Variants in ITPK1 observed in about 807,000 individuals in gnomAD.
ITPK1 encodes the protein inositol-tetrakisphosphate 1-kinase, also known as inositol 1,3,4-trisphosphate 5/6-kinase.
ITPK1 carries 21 observed loss-of-function variants against 45.3 expected under a neutral mutation model. The ratio of observed to expected loss-of-function variants is 0.46; its 90% CI spans 0.33 to 0.67. ITPK1 has a LOEUF of 0.67. Ranked by LOEUF, ITPK1 falls within the 30% of genes least tolerant of loss-of-function variation. The probability of loss-of-function intolerance (pLI) is 0.02; values close to 1 mark genes in which losing one functional copy is unlikely to be tolerated. For synonymous variants in ITPK1, 258 were observed against 253.6 expected (o/e 1.02, Z -0.16); for missense variants, 474 against 573.5 (o/e 0.83, Z 1.77).
intron 4 of ITPK1, among the ~76,000 whole-genome samples, chr14:93,011,516 T>A (rs1207394206): frequency 6.6e-6 from 1 of 152,224 alleles, no homozygotes; most frequent in African/African-American, 2.4e-5. Flanking sequence ...TCTTCCGGCA[T>A]CCTTCGGGGC....
At chr14:93,105,586 A>C (rs1257455140) in intron 2 of ITPK1, among the ~76,000 whole-genome samples, 1 of 147,554 alleles carries the variant, frequency 6.8e-6, no homozygotes, top group African/African-American at 2.5e-5. Context: ...CAGTGACGCA[A>C]TCTCGGCTCA....
intron 2 of ITPK1, among the ~76,000 whole-genome samples, chr14:93,111,710 C>CA (rs34085009): frequency 0.29 from 22,439 of 76,450 alleles, 2,618 homozygotes; most frequent in East Asian, 0.4. Flanking sequence ...GACTCCACCT[C>CA]AAAAAAAAAA....
intron 5 of ITPK1, among the ~76,000 whole-genome samples, chr14:92,973,980 C>G (rs1885798656): frequency 6.6e-6 from 1 of 152,244 alleles, no homozygotes; most frequent in South Asian, 2.1e-4. Context: ...CAGGGCCCCT[C>G]CATGCCCCTC....
intron 3 of ITPK1, among the ~76,000 whole-genome samples, chr14:93,044,294 G>T (rs958883567): frequency 6.6e-6 from 1 of 152,220 alleles, no homozygotes; most frequent in African/African-American, 2.4e-5. Context: ...CAAACAGATT[G>T]CATGCAGGCC....
In ITPK1 at chr14:93,012,935, G is replaced by A. The variant is rs911833244; in HGVS notation, c.246+3741C>T. Among the ~76,000 whole-genome samples the A allele has an allele frequency of 1.1e-4, 17 of 152,204 alleles. No homozygotes were observed. The highest frequency in any genetic ancestry group is 3.4e-4 in the African/African-American group (14 of 41,462). ...GCTAGAAGGGGCAGCAGAAGAGGAC[G>A]GTGGGCCCCTCCCTTCCCACCCTGC... is the stretch of plus-strand genomic sequence containing the variant. On this transcript the variant is annotated intron_variant, in intron 4 of 10. Transcript: ENST00000267615. The surrounding 1 kb of genome is among the most constrained non-coding windows in gnomAD (Gnocchi z 4.9).
At chr14:92,965,863 C>A (rs931383153) in intron 5 of ITPK1, among the ~76,000 whole-genome samples, 1 of 152,084 alleles carries the variant, frequency 6.6e-6, no homozygotes, top group Non-Finnish European at 1.5e-5. Flanking sequence ...ATTAGCCAGG[C>A]GTGGTGGTGC....
intron 5 of ITPK1, among the ~76,000 whole-genome samples, chr14:92,972,132 C>G (rs575420728): frequency 3.7e-4 from 57 of 152,350 alleles, no homozygotes; most frequent in African/African-American, 1.4e-3. Flanking sequence ...TGTACTGAGA[C>G]AGCTCCCAGC....
intron 5 of ITPK1, among the ~76,000 whole-genome samples, chr14:92,967,330 C>T (rs1885425180): frequency 6.6e-6 from 1 of 152,194 alleles, no homozygotes; most frequent in South Asian, 2.1e-4. Context: ...CCTTATTAGC[C>T]ATCGGGGAAA....
rs368565755 is a variant in ITPK1 at position 93,012,272 on chromosome 14, G to A, written c.246+4404C>T. On this transcript the variant is annotated intron_variant, in intron 4 of 10. Coordinates refer to ENST00000267615, the MANE Select transcript of ITPK1 (RefSeq NM_014216.6). The surrounding 1 kb of genome is among the most constrained non-coding windows in gnomAD (Gnocchi z 4.9). ...CACTGATAAAGAATTACGAACTTCC[G>A]AAGGGCATGAAGGAAAAGTGCAAAG... is the stretch of plus-strand genomic sequence containing the variant. 6.6e-6 allele frequency among the ~76,000 whole-genome samples: 1 copy of A among 152,236 alleles called. No individual in the cohort carries two copies. Among genetic ancestry groups the A allele is most frequent in the African/African-American group, 2.4e-5 (1 of 41,460 alleles).
rs2139732393 is a variant in ITPK1, at chr14:92,958,372, A to G, written c.505-6T>C. On this transcript the variant is annotated splice_region_variant and splice_polypyrimidine_tract_variant and intron_variant, in intron 7 of 10. Coordinates refer to ENST00000267615, the MANE Select transcript of ITPK1 (RefSeq NM_014216.6). This position sits in a 1 kb window ranked among gnomAD's most constrained non-coding sequence, Gnocchi z 4.4. The stretch of plus-strand genomic sequence containing the variant: ...TGGTTGAACACGATAGCCATCTGGG[A>G]AGACAAGGGGTCAAAAGCTCTGTCA... 6.2e-7 allele frequency: 1 copy of G among 1,614,006 alleles called. No homozygotes were observed. The highest frequency in any genetic ancestry group is 8.5e-7 in the Non-Finnish European group (1 of 1,179,962).
chr14:93,015,723 G>A (rs1186517064), intron 4 of ITPK1, among the ~76,000 whole-genome samples: 1 of 152,248 alleles, frequency 6.6e-6, no homozygotes, highest in East Asian at 1.9e-4. Flanking sequence ...GCAGGAATGT[G>A]CAGCAGGGAG....
intron 2 of ITPK1, among the ~76,000 whole-genome samples, chr14:93,085,105 C>T (rs147029430): frequency 3.9e-4 from 59 of 152,372 alleles, no homozygotes; most frequent in Admixed American, 3.5e-3. Flanking sequence ...GCCTGCCCTG[C>T]GGCATCTTGG....
In ITPK1 at chr14:93,097,606, T is replaced by A. The variant is rs937911284; in HGVS notation, c.95+17463A>T. ...AGTTTTTAGGATGGGTTGTTATGCATCAATAACTGATAAAAACTTTTACCT... is the reference window on the plus strand; with the variant it reads ...AGTTTTTAGGATGGGTTGTTATGCAACAATAACTGATAAAAACTTTTACCT... On this transcript the variant is annotated intron_variant, in intron 2 of 10. Coordinates refer to ENST00000267615, the MANE Select transcript of ITPK1 (RefSeq NM_014216.6). Among the ~76,000 whole-genome samples the A allele has an allele frequency of 3.9e-5, 6 of 152,196 alleles. No individual in the cohort carries two copies. In the East Asian group the frequency reaches 7.7e-4, roughly 20 times the overall value.
chr14:92,992,232 G>A (rs930413957), intron 5 of ITPK1, among the ~76,000 whole-genome samples: 1 of 152,202 alleles, frequency 6.6e-6, no homozygotes, highest in Admixed American at 6.5e-5. Context: ...ACAGCCTCCT[G>A]CTCTTCACAC....
chr14:92,973,869 T>C (rs539004626), intron 5 of ITPK1, among the ~76,000 whole-genome samples: 1 of 152,330 alleles, frequency 6.6e-6, no homozygotes, highest in South Asian at 2.1e-4. Context: ...AGAGAGGGGC[T>C]GGATGCACCC....
At chr14:93,078,157 C>A (rs563529064) in intron 2 of ITPK1, among the ~76,000 whole-genome samples, 1 of 152,334 alleles carries the variant, frequency 6.6e-6, no homozygotes, top group East Asian at 1.9e-4. Flanking sequence ...GAGGGTACAA[C>A]AAATGCAACC....
chr14:93,086,985 C>T (rs1431026705), intron 2 of ITPK1, among the ~76,000 whole-genome samples: 2 of 152,238 alleles, frequency 1.3e-5, no homozygotes, highest in African/African-American at 2.4e-5. Context: ...TTGACCCTGA[C>T]CCAGTCCCTC....
intron 3 of ITPK1, among the ~76,000 whole-genome samples, chr14:93,030,308 A>G (rs1268591308): frequency 6.6e-6 from 1 of 152,354 alleles, no homozygotes; most frequent in Non-Finnish European, 1.5e-5. Context: ...TAAAAGAGAA[A>G]CCGTTACTGC....
At chr14:93,100,372 C>G (rs1466733305) in intron 2 of ITPK1, among the ~76,000 whole-genome samples, 1 of 152,268 alleles carries the variant, frequency 6.6e-6, no homozygotes, top group East Asian at 1.9e-4. Context: ...CCTCCCAGGG[C>G]TGTTAATGCG....
Sources: allele counts gnomAD v4.1 joint callset (sites outside exome capture counted in the v4.1 genomes callset), GRCh38; gene constraint gnomAD v4.1.1; non-coding constraint Gnocchi (gnomAD v3.1); transcripts MANE v1.5; gene names NCBI Gene and HGNC (gene_info 2026-07-23, HGNC 2026-07-21).